The following DAAM2 variants were observed in gnomAD, a reference collection of about 807,000 sequenced individuals.
DAAM2 encodes the protein disheveled-associated activator of morphogenesis 2.
In DAAM2, 39 loss-of-function variants were observed where a neutral mutation model predicts 120.7. The ratio of observed to expected loss-of-function variants is 0.32; its 90% CI spans 0.25 to 0.42. DAAM2 has a LOEUF of 0.42. Ranked by LOEUF, DAAM2 falls within the 10% of genes least tolerant of loss-of-function variation. The pLI, the probability that DAAM2 is intolerant of heterozygous loss-of-function variation, is 1.00. For synonymous variants in DAAM2, 488 were observed against 524.9 expected (o/e 0.93, Z 0.96); for missense variants, 1,283 against 1,401.7 (o/e 0.92, Z 1.35).
At chr6:39,820,590 A>G (rs1201655927) in intron 1 of DAAM2, 1 of 152,196 alleles carries the variant, frequency 6.6e-6, no homozygotes, top group Non-Finnish European at 1.5e-5. Flanking sequence ...CTGTATACAG[A>G]ATAATGCCTA....
chr6:39,854,009 T>C (rs1365207896), intron 1 of DAAM2, among the ~76,000 whole-genome samples: 2 of 152,220 alleles, frequency 1.3e-5, no homozygotes, highest in Non-Finnish European at 2.9e-5. Context: ...CTCTCTGCCA[T>C]TGGCTATCAA....
chr6:39,795,554 C>G (rs1761675216), intron 1 of DAAM2, among the ~76,000 whole-genome samples: 1 of 152,180 alleles, frequency 6.6e-6, no homozygotes, highest in Non-Finnish European at 1.5e-5. Flanking sequence ...TGCACAAGAA[C>G]TAAGAACAGA....
chr6:39,892,139 A>G (rs1225785239), intron 19 of DAAM2, among the ~76,000 whole-genome samples: 2 of 152,238 alleles, frequency 1.3e-5, no homozygotes, highest in Non-Finnish European at 2.9e-5. Flanking sequence ...TGAGCCATTC[A>G]GAAAGTAGGA....
intron 1 of DAAM2, among the ~76,000 whole-genome samples, chr6:39,844,970 A>G (rs1763503357): frequency 6.7e-6 from 1 of 149,382 alleles, no homozygotes; most frequent in South Asian, 2.3e-4. Context: ...TACCACATGT[A>G]CACAAACCCC....
chr6:39,902,830 G>C lies in DAAM2; in HGVS notation c.*793G>C, dbSNP rs1043678376. On this transcript the variant is annotated 3_prime_UTR_variant, in exon 25 of 25. Transcript: ENST00000274867. ...AGGTGCTTGATGAATCTGGCGAGGG[G>C]CTCAAGACAGACCTCATGCATCACC... The C allele has an allele frequency of 1.1e-4, 16 of 152,322 alleles. No individual in the cohort carries two copies. The highest frequency in any genetic ancestry group is 3.6e-4 in the African/African-American group (15 of 41,422). The allele number at this position is 152,322 out of a possible 1,614,324, so 9.4% of individuals were successfully genotyped here.
At chr6:39,877,103 G>A (rs1379076521) in intron 11 of DAAM2, among the ~76,000 whole-genome samples, 1 of 152,150 alleles carries the variant, frequency 6.6e-6, no homozygotes, top group Non-Finnish European at 1.5e-5. Context: ...CTGGTTCCCT[G>A]GCAGTCCACT....
chr6:39,901,552 G>A lies in DAAM2; in HGVS notation c.2982+80G>A. ...AACACCCCCAAACTGGGGTGTGTGG[G>A]AGGAGGGCAGAGACTGAGGAACTGA... On this transcript the variant is annotated intron_variant, in intron 24 of 24. Transcript: ENST00000274867. This position sits in a 1 kb window ranked among gnomAD's most constrained non-coding sequence, Gnocchi z 4.5. 6.9e-7 allele frequency: 1 copy of A among 1,459,056 alleles called. No individual in the cohort carries two copies. Among genetic ancestry groups the A allele is most frequent in the Non-Finnish European group, 9.2e-7 (1 of 1,081,524 alleles). 90.4% of individuals were successfully genotyped at this position (1,459,056 alleles called of 1,614,324 possible).
intron 14 of DAAM2, among the ~76,000 whole-genome samples, chr6:39,882,838 G>C (rs1765189558): frequency 6.6e-6 from 1 of 152,040 alleles, no homozygotes; most frequent in African/African-American, 2.4e-5. Context: ...TTCCCAGCCG[G>C]CATTCCACAA....
intron 11 of DAAM2, among the ~76,000 whole-genome samples, chr6:39,877,056 C>T (rs1764903411): frequency 6.6e-6 from 1 of 152,228 alleles, no homozygotes; most frequent in African/African-American, 2.4e-5. Flanking sequence ...GATTTTTGTT[C>T]CAGCTGGCTG....
chr6:39,874,403 A>G (rs1430731106), intron 10 of DAAM2, among the ~76,000 whole-genome samples: 1 of 152,312 alleles, frequency 6.6e-6, no homozygotes, highest in South Asian at 2.1e-4. Flanking sequence ...TTAAGAAGCT[A>G]TCAGTTCTCC....
At chr6:39,871,457 T>C in intron 8 of DAAM2, 49 bp from the exon 9 acceptor site, 2 of 1,508,270 alleles carry the variant, frequency 1.3e-6, no homozygotes, top group Non-Finnish European at 1.8e-6. Flanking sequence ...CAACCAAGGG[T>C]GTGTCCTGGC....
At chr6:39,875,220 T>C in intron 10 of DAAM2, 110 bp from the exon 11 acceptor site, 1 of 1,190,406 alleles carries the variant, frequency 8.4e-7, no homozygotes, top group Non-Finnish European at 1.2e-6. Context: ...GAGCTTACCA[T>C]AGGTGGAGAA....
rs1766532303 is a variant in DAAM2 at position 39,902,171 on chromosome 6, G to A, written c.*134G>A. Reference sequence around the variant, plus strand: ...GGGCTGGGTCCTGGGATGGGGGGCTGTGTGTGGCTGGACCAGGTGTCTCCC... The same window carrying A: ...GGGCTGGGTCCTGGGATGGGGGGCTATGTGTGGCTGGACCAGGTGTCTCCC... On this transcript the variant is annotated 3_prime_UTR_variant, in exon 25 of 25. Transcript: ENST00000274867. The A allele has an allele frequency of 7.1e-6, 5 of 700,158 alleles. No homozygotes were observed. Among genetic ancestry groups the A allele is most frequent in the Non-Finnish European group, 2.3e-6 (1 of 441,160 alleles). 43.4% of individuals were successfully genotyped at this position (700,158 alleles called of 1,614,324 possible).
rs567265256 is a variant in DAAM2 at position 39,889,492 on chromosome 6, G to C, written c.2145+729G>C. Among the ~76,000 whole-genome samples, 32 of 152,306 alleles carry C rather than the reference G, an allele frequency of 2.1e-4. No individual in the cohort carries two copies. The South Asian group carries it at 6.6e-3, about 32-fold the overall frequency. ...AATTATTTTGGAAAACTACTTGGAA[G>C]TACACTCTACAGCTAAACATATACC... On this transcript the variant is annotated intron_variant, in intron 17 of 24. Transcript: ENST00000274867.
intron 1 of DAAM2, among the ~76,000 whole-genome samples, chr6:39,854,268 G>A (rs188221249): frequency 1.5e-3 from 226 of 152,266 alleles, no homozygotes; most frequent in African/African-American, 5.2e-3. Flanking sequence ...CCTTTTCCAT[G>A]AGAATAGGTC....
chr6:39,825,640 C>G (rs1762646756), intron 1 of DAAM2, among the ~76,000 whole-genome samples: 1 of 152,142 alleles, frequency 6.6e-6, no homozygotes, highest in Admixed American at 6.5e-5. Context: ...CCCCTGCTCC[C>G]ACCGTGGCTG....
intron 1 of DAAM2, among the ~76,000 whole-genome samples, chr6:39,813,789 T>A (rs1192863956): frequency 6.6e-6 from 1 of 152,222 alleles, no homozygotes; most frequent in Non-Finnish European, 1.5e-5. Flanking sequence ...TGGCAGTTAA[T>A]GTTTCCAGTC....
At chr6:39,803,341 G>A (rs1582592804) in intron 1 of DAAM2, among the ~76,000 whole-genome samples, 1 of 152,322 alleles carries the variant, frequency 6.6e-6, no homozygotes, top group Admixed American at 6.5e-5. Context: ...GCAGAGGCTT[G>A]ACAGTGATAT....
At position 39,817,905 on chromosome 6, in the gene DAAM2, A is replaced by G. The variant is rs144911423; in HGVS notation, c.-57+25440A>G. The stretch of plus-strand genomic sequence containing the variant: ...AAAAAAGAAAAAATTCTGGCTGGGC[A>G]TGGTGGCTCACGCCTGTAATCCCAG... On this transcript the variant is annotated intron_variant, in intron 1 of 24. Transcript: ENST00000274867. Among the ~76,000 whole-genome samples the G allele has an allele frequency of 9.3e-3, 1,409 of 152,270 alleles. 26 individuals carry two copies. Among genetic ancestry groups the G allele is most frequent in the African/African-American group, 0.032 (1,325 of 41,554 alleles).
Sources: gnomAD v4.1 joint callset for allele counts (sites outside exome capture counted in the v4.1 genomes callset) on GRCh38, gnomAD v4.1.1 for gene constraint, Gnocchi (gnomAD v3.1) non-coding constraint, MANE v1.5 for transcripts, NCBI Gene and HGNC (gene_info 2026-07-23, HGNC 2026-07-21) for gene names.